The following FNIP1 variants were observed in gnomAD, a reference collection of about 807,000 sequenced individuals.
The protein encoded by FNIP1 is folliculin-interacting protein 1.
A neutral mutation model predicts 124.5 loss-of-function variants in FNIP1; 40 were observed. The observed-to-expected ratio is 0.32, with a 90% CI of 0.25 to 0.42. The LOEUF is 0.42. Ranked by LOEUF, FNIP1 falls within the 10% of genes least tolerant of loss-of-function variation. FNIP1 has a pLI of 1.00. For missense variants in FNIP1, 1,176 were observed against 1,403.7 expected, an observed-to-expected ratio of 0.84 and a Z score of 2.59; for synonymous variants, 472 against 470.6, an observed-to-expected ratio of 1.00 and a Z score of -0.04.
intron 6 of FNIP1, among the ~76,000 whole-genome samples, chr5:131,715,342 C>T (rs1488107096): frequency 1.3e-5 from 2 of 151,972 alleles, no homozygotes; most frequent in Admixed American, 6.6e-5. Context: ...AAAAATCAGC[C>T]GGGTGTGATG....
In FNIP1 at chr5:131,690,715, G is replaced by A. The variant is rs566359737; in HGVS notation, c.1202+8202C>T. On this transcript the variant is annotated intron_variant, in intron 11 of 17. Transcript: ENST00000510461. ...GCAGTACGAAAATGGACTAATAGCC[G>A]TGTTAACTTCAGACAAAGCAGAGGT... Among the ~76,000 whole-genome samples, 18 of 152,238 alleles carry A rather than the reference G, an allele frequency of 1.2e-4. 3 individuals carry two copies. The highest frequency in any genetic ancestry group is 4.1e-4 in the African/African-American group (17 of 41,536).
chr5:131,687,002 GT>G (rs896197220), intron 11 of FNIP1, among the ~76,000 whole-genome samples: 4 of 129,300 alleles, frequency 3.1e-5, no homozygotes, highest in African/African-American at 8.8e-5. Context: ...TATCTGAATG[GT>G]TTTTTTTTCC....
intron 1 of FNIP1, among the ~76,000 whole-genome samples, chr5:131,778,057 G>C (rs933558974): frequency 6.6e-6 from 1 of 152,138 alleles, no homozygotes; most frequent in African/African-American, 2.4e-5. Context: ...GACAACCTGA[G>C]GTTCTGTGCT....
At chr5:131,669,909 CAAT>C (rs776370556) in intron 15 of FNIP1, among the ~76,000 whole-genome samples, 5 of 109,586 alleles carry the variant, frequency 4.6e-5, no homozygotes, top group Non-Finnish European at 7.9e-5. Context: ...CTAGCCAGTA[CAAT>C]GAGTCAAAAA....
At chr5:131,700,378 G>T (rs775922710) in intron 10 of FNIP1, among the ~76,000 whole-genome samples, 1 of 152,084 alleles carries the variant, frequency 6.6e-6, no homozygotes, top group African/African-American at 2.4e-5. Flanking sequence ...AGGTCAAAAA[G>T]AACTTTAATC....
chr5:131,778,092 C>T (rs1771870691), intron 1 of FNIP1, among the ~76,000 whole-genome samples: 1 of 152,034 alleles, frequency 6.6e-6, no homozygotes, highest in Non-Finnish European at 1.5e-5. Context: ...GTTTTTTTGG[C>T]TCACGCTTGT....
At chr5:131,649,013 A>G (rs1230700376) in intron 16 of FNIP1, among the ~76,000 whole-genome samples, 1 of 152,200 alleles carries the variant, frequency 6.6e-6, no homozygotes, top group Admixed American at 6.5e-5. Context: ...GGCTGAATAA[A>G]TATTGCATTG....
At chr5:131,788,792 A>T (rs958250191) in intron 1 of FNIP1, among the ~76,000 whole-genome samples, 1 of 152,112 alleles carries the variant, frequency 6.6e-6, no homozygotes, top group African/African-American at 2.4e-5. Flanking sequence ...CCAGTGTAAA[A>T]AACAAATCTA....
At chr5:131,739,534 C>T (rs1005183553) in intron 2 of FNIP1, among the ~76,000 whole-genome samples, 1 of 152,134 alleles carries the variant, frequency 6.6e-6, no homozygotes, top group Non-Finnish European at 1.5e-5. Flanking sequence ...CACTGTTTGG[C>T]CAGGCGTGGT....
At chr5:131,657,784 G>T in intron 15 of FNIP1, among the ~76,000 whole-genome samples, 1 of 132,204 alleles carries the variant, frequency 7.6e-6, no homozygotes, top group South Asian at 2.4e-4. Context: ...TTCAAGATAC[G>T]GATCTTGCAA....
In FNIP1 at chr5:131,705,453, G is replaced by A. The variant is rs576681301; in HGVS notation, c.914+958C>T. ...TATGCCACTGCACTCCAGCCTGGGC[G>A]ACTCAAAAGGGAAAGAAAAGAAAAG... is the stretch of plus-strand genomic sequence containing the variant. On this transcript the variant is annotated intron_variant, in intron 9 of 17. Transcript: ENST00000510461. 8.6e-5 allele frequency among the ~76,000 whole-genome samples: 13 copies of A among 152,012 alleles called. No homozygotes were observed. In the South Asian group the frequency reaches 1.0e-3, roughly 12 times the overall value.
Position 131,672,755 on chromosome 5 carries a change from A to T in FNIP1, c.1689T>A (p.Val563=). The T allele has an allele frequency of 6.2e-7, 1 of 1,613,730 alleles. No homozygotes were observed. Among genetic ancestry groups the T allele is most frequent in the Admixed American group, 1.7e-5 (1 of 59,930 alleles). The change falls in exon 14 of 18, where the codon GTT becomes GTA. Residue 563 remains valine (V), a synonymous_variant. Coordinates refer to ENST00000510461, the MANE Select transcript of FNIP1 (RefSeq NM_133372.3). ...LLENGEDEAI[V]MPGTVITTTL... is the part of the protein sequence containing the mutation. ...TGGTAGTAATTACTGTGCCTGGCAT[A>T]ACGATGGCTTCATCTTCTCCATTTT... is the stretch of plus-strand genomic sequence containing the variant.
At chr5:131,794,154 C>T (rs1404912842) in intron 1 of FNIP1, among the ~76,000 whole-genome samples, 1 of 148,470 alleles carries the variant, frequency 6.7e-6, no homozygotes, top group Non-Finnish European at 1.5e-5. Flanking sequence ...ATTACTAGAG[C>T]CCAGGAGGTC....
At chr5:131,741,121 A>C (rs1466534596) in intron 2 of FNIP1, among the ~76,000 whole-genome samples, 1 of 152,070 alleles carries the variant, frequency 6.6e-6, no homozygotes, top group African/African-American at 2.4e-5. Context: ...TTTCTTAATA[A>C]ACTTGCTTTC....
In FNIP1 at chr5:131,722,337, C is replaced by T. The variant is rs140528120; in HGVS notation, c.355-2920G>A. Among the ~76,000 whole-genome samples the T allele has an allele frequency of 8.3e-3, 1,271 of 152,284 alleles. 2 individuals carry two copies. Among genetic ancestry groups the T allele is most frequent in the Non-Finnish European group, 0.012 (819 of 68,024 alleles). ...TTAGGGTTATCATGTATGTCAGCAA[C>T]GCAACCCCTAATTTGTTTAAGCCAC... On this transcript the variant is annotated intron_variant, in intron 3 of 17. Coordinates refer to ENST00000510461, the MANE Select transcript of FNIP1 (RefSeq NM_133372.3).
chr5:131,791,136 T>G (rs1485804496), intron 1 of FNIP1, among the ~76,000 whole-genome samples: 1 of 152,254 alleles, frequency 6.6e-6, no homozygotes, highest in Non-Finnish European at 1.5e-5. Context: ...CCAATTACTT[T>G]GGAAAATGAC....
chr5:131,688,718 A>AG (rs1554094136), intron 11 of FNIP1, among the ~76,000 whole-genome samples: 244 of 150,154 alleles, frequency 1.6e-3, no homozygotes, highest in African/African-American at 5.6e-3. Context: ...AAAAAAAAAA[A>AG]GGAGCAGGAA....
At chr5:131,777,944 T>C (rs1026335133) in intron 1 of FNIP1, among the ~76,000 whole-genome samples, 3 of 152,208 alleles carry the variant, frequency 2.0e-5, no homozygotes, top group Non-Finnish European at 2.9e-5. Flanking sequence ...CACCAATGGA[T>C]GCTAAAACCA....
chr5:131,698,287 G>C (rs1389929547), intron 11 of FNIP1, among the ~76,000 whole-genome samples: 1 of 152,174 alleles, frequency 6.6e-6, no homozygotes, highest in Admixed American at 6.5e-5. Context: ...GAAAGATTGA[G>C]AAAATGAAGT....
Sources: gnomAD v4.1 joint callset for allele counts (sites outside exome capture counted in the v4.1 genomes callset) on GRCh38, gnomAD v4.1.1 for gene constraint, MANE v1.5 for transcripts, NCBI Gene and HGNC (gene_info 2026-07-23, HGNC 2026-07-21) for gene names.